The following SORL1 variants were observed in gnomAD, a reference collection of about 807,000 sequenced individuals.
SORL1 encodes sortilin related receptor 1, also known as sortilin-related receptor.
SORL1 carries 127 observed loss-of-function variants against 273.7 expected under a neutral mutation model. That is an observed-to-expected ratio of 0.46 (90% CI 0.40 to 0.54). The LOEUF is 0.54. Among genes scored for constraint, SORL1 ranks in the 20% least tolerant of loss-of-function variants. The pLI is 0.00. For synonymous variants in SORL1, 1,031 were observed against 1,067.4 expected (o/e 0.97, Z 0.66); for missense variants, 2,494 against 2,846.1 (o/e 0.88, Z 2.81).
chr11:121,629,832 CT>C lies in SORL1; in HGVS notation c.*273del. 1 of 406,560 alleles carries C rather than the reference CT, an allele frequency of 2.5e-6. No individual in the cohort carries two copies. The highest frequency in any genetic ancestry group is 4.4e-6 in the Non-Finnish European group (1 of 227,308). 25.2% of individuals were successfully genotyped at this position (406,560 alleles called of 1,614,324 possible). On this transcript the variant is annotated 3_prime_UTR_variant, in exon 48 of 48. Transcript: ENST00000260197. ...TACAGGGCTGTGCTTGCTGGGCATG[CT>C]TTTACGTCTGTGAGATAATTTCGGT...
chr11:121,593,522 C>T (rs931708593), intron 31 of SORL1, among the ~76,000 whole-genome samples: 124 of 152,250 alleles, frequency 8.1e-4, no homozygotes, highest in Middle Eastern at 3.4e-3. Context: ...TGCCTGTTAC[C>T]CAGGGACTTT....
chr11:121,469,957 T>A (rs370172030), intron 1 of SORL1, 50 bp from the exon 2 acceptor site: 8 of 1,109,388 alleles, frequency 7.2e-6, no homozygotes, highest in Non-Finnish European at 1.1e-5. Context: ...TTAGAATGTG[T>A]GTGGCCATCA....
chr11:121,582,462 T>G (rs191725950), intron 25 of SORL1, among the ~76,000 whole-genome samples: 1 of 152,362 alleles, frequency 6.6e-6, no homozygotes, highest in East Asian at 1.9e-4. Context: ...TGGCTTGCAT[T>G]CAGCAATGAA....
intron 39 of SORL1, 97 bp downstream of exon 39, chr11:121,611,255 C>T: frequency 1.3e-6 from 1 of 795,252 alleles, no homozygotes; most frequent in South Asian, 1.7e-5. Flanking sequence ...AAACAAAAAA[C>T]AAAAAACAAA....
chr11:121,478,041 A>C, intron 2 of SORL1, 77 bp from the exon 3 acceptor site: 2 of 1,428,384 alleles, frequency 1.4e-6, no homozygotes, highest in South Asian at 2.8e-5. Context: ...TCAAAAAAAA[A>C]AAAAAAAAAA....
chr11:121,617,535 T>G (rs574122514), intron 41 of SORL1, among the ~76,000 whole-genome samples: 1 of 149,662 alleles, frequency 6.7e-6, no homozygotes, highest in East Asian at 2.0e-4. Flanking sequence ...TGAGCAGTGC[T>G]GGAGAAAGTC....
intron 41 of SORL1, 109 bp downstream of exon 41, chr11:121,615,164 C>T: frequency 2.3e-6 from 2 of 881,316 alleles, no homozygotes; most frequent in Non-Finnish European, 3.4e-6. Flanking sequence ...TCCGGTGCCC[C>T]TGCTGCTCTT....
intron 8 of SORL1, among the ~76,000 whole-genome samples, chr11:121,517,730 C>G (rs1445639460): frequency 6.6e-6 from 1 of 152,164 alleles, no homozygotes; most frequent in Non-Finnish European, 1.5e-5. Flanking sequence ...GAAATAGATT[C>G]ACGTCAAGAG....
intron 5 of SORL1, among the ~76,000 whole-genome samples, chr11:121,492,286 G>T (rs890551005): frequency 6.6e-6 from 1 of 152,108 alleles, no homozygotes; most frequent in Non-Finnish European, 1.5e-5. Flanking sequence ...GCTTGAACCC[G>T]GTAGGTGGAG....
intron 6 of SORL1, 124 bp downstream of exon 6, chr11:121,497,173 C>A: frequency 1.3e-6 from 1 of 788,210 alleles, no homozygotes; most frequent in Non-Finnish European, 2.0e-6. Flanking sequence ...GACAGATTGA[C>A]TGAAGGGATC....
rs1862483179 is a variant in SORL1 at position 121,549,946 on chromosome 11, A to G, written c.2052-14A>G. The G allele has an allele frequency of 6.2e-7, 1 of 1,612,692 alleles. No individual in the cohort carries two copies. The highest frequency in any genetic ancestry group is 8.5e-7 in the Non-Finnish European group (1 of 1,179,184). On this transcript the variant is annotated splice_polypyrimidine_tract_variant and intron_variant, in intron 14 of 47. Coordinates refer to ENST00000260197, the MANE Select transcript of SORL1 (RefSeq NM_003105.6). ...TAAAACCGTGGCCTTAACAAAGCCC[A>G]ATTGCCTTTTTAGTGACTTCGGTTT... is the stretch of plus-strand genomic sequence containing the variant.
intron 37 of SORL1, 151 bp from the exon 38 acceptor site, chr11:121,607,953 T>C: frequency 1.7e-6 from 1 of 600,022 alleles, no homozygotes; most frequent in Non-Finnish European, 2.9e-6. Context: ...TTTCAGATGC[T>C]GGGGCCTCTG....
At chr11:121,589,530 T>C in intron 29 of SORL1, 140 bp downstream of exon 29, 1 of 1,052,646 alleles carries the variant, frequency 9.5e-7, no homozygotes, top group South Asian at 1.4e-5. Context: ...AGTTCCTGAA[T>C]ACTCATACGA....
intron 38 of SORL1, chr11:121,610,325 G>C (rs1488926078): frequency 1.3e-5 from 2 of 152,260 alleles, no homozygotes; most frequent in Non-Finnish European, 2.9e-5. Context: ...CTCATTGGTT[G>C]AACTGAGAGG....
intron 1 of SORL1, among the ~76,000 whole-genome samples, chr11:121,454,144 T>C (rs1307759901): frequency 6.6e-6 from 1 of 152,232 alleles, no homozygotes; most frequent in Non-Finnish European, 1.5e-5. Flanking sequence ...ATCAAGGTCC[T>C]TGCTCTTAAC....
chr11:121,620,740 A>C (rs1863711809), intron 43 of SORL1, among the ~76,000 whole-genome samples: 1 of 152,168 alleles, frequency 6.6e-6, no homozygotes, highest in Non-Finnish European at 1.5e-5. Flanking sequence ...GCAGTGGTGG[A>C]GATGTGGAAG....
chr11:121,595,767 A>G lies in SORL1; in HGVS notation c.4514A>G (p.Asn1505Ser), dbSNP rs1228598422. Reference sequence around the variant, plus strand: ...TGCCAGGATGGCCGGGACGAGGCCAATTGCCGTGAGTAGTCAGAGAGCCCT... The same window carrying G: ...TGCCAGGATGGCCGGGACGAGGCCAGTTGCCGTGAGTAGTCAGAGAGCCCT... Reference protein sequence around the residue: ...QDCQDGRDEANCPTHSTLTCM... With the variant: ...QDCQDGRDEASCPTHSTLTCM... Residue 1505 changes from asparagine to serine, a missense_variant, in exon 32 of 48, where the codon AAT becomes AGT. Asn to Ser is a conservative substitution (Grantham distance 46). Around this residue, in one of 3 missense-constraint regions of SORL1, gnomAD observed 1,609 missense variants for 1,816.4 expected, o/e 0.89. Coordinates refer to ENST00000260197, the MANE Select transcript of SORL1 (RefSeq NM_003105.6). The surrounding 1 kb of genome is among the most constrained non-coding windows in gnomAD (Gnocchi z 5.1). The G allele has an allele frequency of 5.0e-6, 8 of 1,612,340 alleles. No individual in the cohort carries two copies. The South Asian group carries it at 5.5e-5, about 11-fold the overall frequency.
chr11:121,560,096 C>T (rs536778367), intron 21 of SORL1, among the ~76,000 whole-genome samples: 1 of 152,328 alleles, frequency 6.6e-6, no homozygotes, highest in African/African-American at 2.4e-5. Context: ...ATTGACCGTA[C>T]CTACCTCTGC....
At chr11:121,562,544 G>A (rs1053943891) in intron 21 of SORL1, among the ~76,000 whole-genome samples, 9 of 152,194 alleles carry the variant, frequency 5.9e-5, no homozygotes, top group African/African-American at 1.4e-4. Context: ...TTTGTCCAGC[G>A]TCTCATGCTG....
Sources: allele counts gnomAD v4.1 joint callset (sites outside exome capture counted in the v4.1 genomes callset), GRCh38; gene constraint gnomAD v4.1.1; regional missense constraint gnomAD v4.1.1; non-coding constraint Gnocchi (gnomAD v3.1); transcripts MANE v1.5; gene names NCBI Gene and HGNC (gene_info 2026-07-23, HGNC 2026-07-21).